ST6GALNAC3: variants seen among roughly 807,000 people sequenced by gnomAD.
ST6GALNAC3 encodes alpha-N-acetylgalactosaminide alpha-2,6-sialyltransferase 3.
Under a neutral mutation model 32.7 loss-of-function variants are expected in ST6GALNAC3, and 25 were observed. That is an observed-to-expected ratio of 0.76 (90% CI 0.56 to 1.07). The LOEUF (loss-of-function observed/expected upper bound fraction) is 1.07. ST6GALNAC3 is among the 50% of genes least tolerant of loss of function. The pLI is 0.00. For synonymous variants in ST6GALNAC3, 129 were observed against 133.1 expected (o/e 0.97, Z 0.21); for missense variants, 355 against 382.4 (o/e 0.93, Z 0.60).
At position 76,447,755 on chromosome 1, in the gene ST6GALNAC3, A is replaced by G. The variant is rs193140239; in HGVS notation, c.623+35338A>G. ...GAAGCCGCAAGCCTTGGCAGCTTCC[A>G]TGTGGTGTTGAGCCTGCGGGTGCAC... On this transcript the variant is annotated intron_variant, in intron 3 of 4. Transcript: ENST00000328299. Among the ~76,000 whole-genome samples the G allele has an allele frequency of 1.8e-3, 276 of 152,284 alleles. 1 individual carries two copies. The highest frequency in any genetic ancestry group is 2.2e-3 in the Non-Finnish European group (149 of 68,022).
At chr1:76,612,923 A>G (rs1648030250) in intron 3 of ST6GALNAC3, among the ~76,000 whole-genome samples, 1 of 152,220 alleles carries the variant, frequency 6.6e-6, no homozygotes, top group South Asian at 2.1e-4. Flanking sequence ...CTGACGGAGA[A>G]CTACAGAAGC....
At chr1:76,300,109 A>G (rs1311883842) in intron 1 of ST6GALNAC3, among the ~76,000 whole-genome samples, 1 of 152,066 alleles carries the variant, frequency 6.6e-6, no homozygotes, top group Non-Finnish European at 1.5e-5. Flanking sequence ...GTGGGTTCTC[A>G]GCCAAGGGTT....
intron 3 of ST6GALNAC3, among the ~76,000 whole-genome samples, chr1:76,477,263 A>G (rs1041616990): frequency 2.6e-5 from 4 of 152,074 alleles, no homozygotes; most frequent in Non-Finnish European, 4.4e-5. Context: ...TTATGTGTTT[A>G]AAAAGACATA....
intron 3 of ST6GALNAC3, among the ~76,000 whole-genome samples, chr1:76,591,071 C>T (rs1647039636): frequency 6.6e-6 from 1 of 152,086 alleles, no homozygotes; most frequent in Non-Finnish European, 1.5e-5. Flanking sequence ...TCTAAGAATA[C>T]ATGACAGGAG....
At chr1:76,495,878 G>A (rs1481362969) in intron 3 of ST6GALNAC3, among the ~76,000 whole-genome samples, 4 of 152,270 alleles carry the variant, frequency 2.6e-5, no homozygotes, top group Admixed American at 6.5e-5. Flanking sequence ...CTTCTGTTAG[G>A]TTGGTATAGC....
chr1:76,476,023 A>G (rs1384006056), intron 3 of ST6GALNAC3, among the ~76,000 whole-genome samples: 2 of 152,202 alleles, frequency 1.3e-5, no homozygotes, highest in Non-Finnish European at 2.9e-5. Flanking sequence ...TGCAAAGGAA[A>G]TGAACTCATC....
chr1:76,527,670 A>G (rs1662998014), intron 3 of ST6GALNAC3, among the ~76,000 whole-genome samples: 1 of 152,016 alleles, frequency 6.6e-6, no homozygotes. Context: ...GAAGGGAGGG[A>G]AAGGAACTGA....
chr1:76,550,713 C>G (rs930299950), intron 3 of ST6GALNAC3, among the ~76,000 whole-genome samples: 3 of 152,008 alleles, frequency 2.0e-5, no homozygotes, highest in Non-Finnish European at 4.4e-5. Flanking sequence ...ATAATCATAT[C>G]TAACTTATAA....
chr1:76,484,174 C>A (rs969837220), intron 3 of ST6GALNAC3, among the ~76,000 whole-genome samples: 4 of 152,118 alleles, frequency 2.6e-5, no homozygotes, highest in Admixed American at 2.6e-4. Flanking sequence ...CAGCTTTGTT[C>A]TTTTGGCTTA....
At chr1:76,341,605 T>TTTTCTTTCTTTCTTTCTTTCTTTCTTTC (rs61587390) in intron 2 of ST6GALNAC3, among the ~76,000 whole-genome samples, 21 of 91,176 alleles carry the variant, frequency 2.3e-4, no homozygotes, top group Admixed American at 4.8e-4. Context: ...TCCAAACTGC[T>TTTTCTTTCTTTCTTTCTTTCTTTCTTTC]TTTCTTTCTT....
chr1:76,141,748 C>T (rs190365150), intron 1 of ST6GALNAC3, among the ~76,000 whole-genome samples: 41 of 152,230 alleles, frequency 2.7e-4, no homozygotes, highest in African/African-American at 9.6e-4. Context: ...CAAAATGGAT[C>T]TAGCATCTTC....
intron 1 of ST6GALNAC3, among the ~76,000 whole-genome samples, chr1:76,274,574 G>A (rs933940472): frequency 3.9e-5 from 6 of 152,130 alleles, no homozygotes; most frequent in Non-Finnish European, 7.3e-5. Flanking sequence ...AGCTATTTCT[G>A]CAGCCTAAAC....
chr1:76,484,780 A>AT (rs1219505301), intron 3 of ST6GALNAC3, among the ~76,000 whole-genome samples: 1 of 152,228 alleles, frequency 6.6e-6, no homozygotes, highest in African/African-American at 2.4e-5. Flanking sequence ...GTGGTGAGAG[A>AT]CGCATCCCTG....
At chr1:76,595,024 A>G (rs1244889247) in intron 3 of ST6GALNAC3, among the ~76,000 whole-genome samples, 1 of 152,070 alleles carries the variant, frequency 6.6e-6, no homozygotes, top group Non-Finnish European at 1.5e-5. Context: ...TTAGTTTTTC[A>G]AAAAAAGGAG....
intron 3 of ST6GALNAC3, among the ~76,000 whole-genome samples, chr1:76,436,903 T>C (rs1656185896): frequency 6.6e-6 from 1 of 152,152 alleles, no homozygotes; most frequent in African/African-American, 2.4e-5. Context: ...AATGTCATCA[T>C]CATTTTTAGG....
chr1:76,285,435 C>T lies in ST6GALNAC3; in HGVS notation c.19-28370C>T, dbSNP rs539119311. 2.2e-4 allele frequency among the ~76,000 whole-genome samples: 25 copies of T among 115,334 alleles called. 1 individual carries two copies. In the South Asian group the frequency reaches 3.6e-3, roughly 17 times the overall value. 75.7% of individuals were successfully genotyped at this position (115,334 alleles called of 152,430 possible). The stretch of plus-strand genomic sequence containing the variant: ...GTACATGTGTGTGTAATGTGACTTA[C>T]CCATTAGGCACCATAGGTGCGGTGC... On this transcript the variant is annotated intron_variant, in intron 1 of 4. Transcript: ENST00000328299.
At chr1:76,548,851 A>G (rs1420226371) in intron 3 of ST6GALNAC3, among the ~76,000 whole-genome samples, 1 of 152,130 alleles carries the variant, frequency 6.6e-6, no homozygotes, top group African/African-American at 2.4e-5. Flanking sequence ...TTGTAGTTGT[A>G]CATTTTAATC....
At chr1:76,492,075 T>C (rs1361202748) in intron 3 of ST6GALNAC3, among the ~76,000 whole-genome samples, 1 of 152,222 alleles carries the variant, frequency 6.6e-6, no homozygotes. Flanking sequence ...GTTTGATGTA[T>C]GAGTAACCTA....
rs74957782 is a variant in ST6GALNAC3, at chr1:76,343,384, A to G, written c.213+29385A>G. Among the ~76,000 whole-genome samples, 1,407 of 152,316 alleles carry G rather than the reference A, an allele frequency of 9.2e-3. 9 individuals are homozygous for G. The highest frequency in any genetic ancestry group is 0.014 in the Non-Finnish European group (946 of 68,036). On this transcript the variant is annotated intron_variant, in intron 2 of 4. Transcript: ENST00000328299. ...TGAACTTTTATGTCAGTTCAGGAAT[A>G]TAAGAGGAAAAGAAAGGAAGGCTTG...
Sources: allele counts gnomAD v4.1 joint callset (sites outside exome capture counted in the v4.1 genomes callset), GRCh38; gene constraint gnomAD v4.1.1; transcripts MANE v1.5; gene names NCBI Gene and HGNC (gene_info 2026-07-23, HGNC 2026-07-21).